LIMS1: variants seen among roughly 807,000 people sequenced by gnomAD.
LIMS1 encodes LIM zinc finger domain containing 1, also known as LIM and senescent cell antigen-like-containing domain protein 1.
A neutral mutation model predicts 44.1 loss-of-function variants in LIMS1; 18 were observed. The ratio of observed to expected loss-of-function variants is 0.41; its 90% CI spans 0.28 to 0.61. The LOEUF is 0.61. Ranked by LOEUF, LIMS1 falls within the 20% of genes least tolerant of loss-of-function variation. The pLI is 0.32. For synonymous variants in LIMS1, 93 were observed against 149.1 expected (o/e 0.62, Z 2.74); for missense variants, 201 against 422.0 (o/e 0.48, Z 4.59).
chr2:108,631,972 G>A (rs1432280648), intron 1 of LIMS1, among the ~76,000 whole-genome samples: 2 of 152,146 alleles, frequency 1.3e-5, no homozygotes, highest in East Asian at 3.9e-4. Context: ...AGGTACTTTC[G>A]TGTTTGTTTG....
At chr2:108,597,838 G>A (rs1490896343) in intron 1 of LIMS1, among the ~76,000 whole-genome samples, 3 of 151,776 alleles carry the variant, frequency 2.0e-5, no homozygotes, top group Non-Finnish European at 2.9e-5. Flanking sequence ...GATTACAGGC[G>A]CCCGCTGCCA....
intron 1 of LIMS1, among the ~76,000 whole-genome samples, chr2:108,577,187 G>A (rs1221141355): frequency 6.6e-6 from 1 of 152,176 alleles, no homozygotes; most frequent in Non-Finnish European, 1.5e-5. Flanking sequence ...TGAGAAGCTA[G>A]CACAGTGCCT....
chr2:108,567,335 G>A (rs1685327188), intron 1 of LIMS1, among the ~76,000 whole-genome samples: 1 of 152,076 alleles, frequency 6.6e-6, no homozygotes, highest in Non-Finnish European at 1.5e-5. Context: ...ATGGAGTCTC[G>A]TCCAGGGTTG....
intron 1 of LIMS1, among the ~76,000 whole-genome samples, chr2:108,565,873 A>G (rs1409852446): frequency 1.3e-5 from 2 of 152,144 alleles, no homozygotes; most frequent in Non-Finnish European, 2.9e-5. Context: ...AAGGACGTGG[A>G]AGTTCCCACC....
At position 108,681,747 on chromosome 2, in the gene LIMS1, C is replaced by A. The variant is rs187786046; in HGVS notation, c.899+977C>A. 671 of 224,934 alleles carry A rather than the reference C, an allele frequency of 3.0e-3. 3 individuals carry two copies. Among genetic ancestry groups the A allele is most frequent in the Admixed American group, 5.2e-3 (80 of 15,266 alleles). The allele number at this position is 224,934 out of a possible 1,614,324, so 13.9% of individuals were successfully genotyped here. ...ACCAGCCTGGACTACATGCCTAGAC[C>A]CCATCCGTCAAAAAAAAAAAACAAA... On this transcript the variant is annotated intron_variant, in intron 9 of 9. Coordinates refer to ENST00000544547, the Ensembl canonical transcript of LIMS1.
intron 1 of LIMS1, among the ~76,000 whole-genome samples, chr2:108,590,191 T>G (rs1376151298): frequency 6.6e-6 from 1 of 152,236 alleles, no homozygotes; most frequent in Non-Finnish European, 1.5e-5. Flanking sequence ...ACATTAAGAG[T>G]GATACCGATT....
chr2:108,625,573 T>A (rs1196738570), intron 1 of LIMS1, among the ~76,000 whole-genome samples: 1 of 151,766 alleles, frequency 6.6e-6, no homozygotes, highest in Non-Finnish European at 1.5e-5. Context: ...GAAAAGAATA[T>A]GAATCCCCCC....
intron 1 of LIMS1, among the ~76,000 whole-genome samples, chr2:108,645,590 G>T (rs141052753): frequency 6.6e-6 from 1 of 151,920 alleles, no homozygotes; most frequent in Non-Finnish European, 1.5e-5. Flanking sequence ...ATCAACTAAC[G>T]GGCCAAAATA....
chr2:108,628,335 G>A (rs1012118775), intron 1 of LIMS1, among the ~76,000 whole-genome samples: 5 of 152,142 alleles, frequency 3.3e-5, no homozygotes, highest in African/African-American at 1.2e-4. Context: ...TGGCTCTTGA[G>A]TATGTATGGC....
At chr2:108,621,454 G>A (rs1257770991) in intron 1 of LIMS1, 4 of 1,550,498 alleles carry the variant, frequency 2.6e-6, no homozygotes, top group Non-Finnish European at 3.5e-6. Flanking sequence ...ACCAGAGGAA[G>A]AGCTAAGGTG....
At chr2:108,623,749 A>G (rs1688398613) in intron 1 of LIMS1, among the ~76,000 whole-genome samples, 1 of 152,206 alleles carries the variant, frequency 6.6e-6, no homozygotes, top group Non-Finnish European at 1.5e-5. Context: ...GACCCATTCC[A>G]GCTCTCATTC....
chr2:108,567,150 T>C (rs371104670), intron 1 of LIMS1, among the ~76,000 whole-genome samples: 12 of 152,326 alleles, frequency 7.9e-5, no homozygotes, highest in African/African-American at 2.9e-4. Context: ...GAACAAAAAA[T>C]TGATTCCCAG....
intron 1 of LIMS1, among the ~76,000 whole-genome samples, chr2:108,555,243 TGA>T (rs1255822684): frequency 6.6e-6 from 1 of 152,100 alleles, no homozygotes; most frequent in African/African-American, 2.4e-5. Context: ...ACATCCAGAA[TGA>T]GAGAGCAAAT....
At chr2:108,680,394 A>G (rs1351769654) in intron 8 of LIMS1, among the ~76,000 whole-genome samples, 2 of 128,436 alleles carry the variant, frequency 1.6e-5, no homozygotes, top group Admixed American at 1.5e-4. Flanking sequence ...AAAATTAGCC[A>G]GGTGTAGTGG....
At chr2:108,665,261 A>G (rs1299651557) in intron 2 of LIMS1, among the ~76,000 whole-genome samples, 1 of 152,242 alleles carries the variant, frequency 6.6e-6, no homozygotes, top group East Asian at 1.9e-4. Flanking sequence ...CATCTAGTCT[A>G]TATGGTATGG....
intron 1 of LIMS1, chr2:108,607,358 G>A (rs1687328350): frequency 1.8e-6 from 2 of 1,092,326 alleles, no homozygotes; most frequent in Non-Finnish European, 2.7e-6. Flanking sequence ...CACATAAATA[G>A]TACATGTGTG....
chr2:108,548,142 GA>G (rs1389747612), intron 1 of LIMS1, among the ~76,000 whole-genome samples: 3 of 152,170 alleles, frequency 2.0e-5, no homozygotes, highest in Admixed American at 6.5e-5. Context: ...GGATAATGAT[GA>G]AAAAATGTGG....
chr2:108,604,266 A>C (rs914315839), intron 1 of LIMS1, among the ~76,000 whole-genome samples: 3 of 152,226 alleles, frequency 2.0e-5, no homozygotes, highest in Non-Finnish European at 2.9e-5. Flanking sequence ...TATGAAAATT[A>C]TATGAAATTC....
chr2:108,569,039 G>A (rs1479104517), intron 1 of LIMS1, among the ~76,000 whole-genome samples: 3 of 151,940 alleles, frequency 2.0e-5, no homozygotes, highest in Non-Finnish European at 4.4e-5. Flanking sequence ...CTACAGGCAC[G>A]CACCACCATG....
Sources: gnomAD v4.1 joint callset for allele counts (sites outside exome capture counted in the v4.1 genomes callset) on GRCh38, gnomAD v4.1.1 for gene constraint, MANE v1.5 for transcripts, NCBI Gene and HGNC (gene_info 2026-07-23, HGNC 2026-07-21) for gene names.